The following WWOX variants were observed in gnomAD, a reference collection of about 807,000 sequenced individuals.
WWOX encodes the protein WW domain-containing oxidoreductase.
A neutral mutation model predicts 46.2 loss-of-function variants in WWOX; 69 were observed. The ratio of observed to expected loss-of-function variants is 1.49; its 90% CI spans 1.23 to 1.82. WWOX has a LOEUF of 1.82. Ranked by LOEUF, WWOX falls within the 40% of genes most tolerant of loss-of-function variation. The pLI, the probability that WWOX is intolerant of heterozygous loss-of-function variation, is 0.00. For missense variants in WWOX, 919 were observed against 542.6 expected, an observed-to-expected ratio of 1.69 and a Z score of -6.89; for synonymous variants, 359 against 202.6, an observed-to-expected ratio of 1.77 and a Z score of -6.56.
chr16:79,086,043 A>C (rs1348748304), intron 8 of WWOX, among the ~76,000 whole-genome samples: 1 of 149,996 alleles, frequency 6.7e-6, no homozygotes, highest in African/African-American at 2.5e-5. Context: ...CTGCACTTCA[A>C]CGTGGGCAAC....
At chr16:78,744,403 G>A (rs1047519796) in intron 8 of WWOX, among the ~76,000 whole-genome samples, 4 of 149,224 alleles carry the variant, frequency 2.7e-5, no homozygotes, top group Non-Finnish European at 5.9e-5. Context: ...AGATTAGGAA[G>A]GGCCCATGGT....
In WWOX at chr16:78,993,225, G is replaced by A. The variant is rs76174217; in HGVS notation, c.1057-218383G>A. 7.7e-3 allele frequency among the ~76,000 whole-genome samples: 1,168 copies of A among 151,072 alleles called. 8 individuals are homozygous for A. Among genetic ancestry groups the A allele is most frequent in the African/African-American group, 0.023 (941 of 41,354 alleles). On this transcript the variant is annotated intron_variant, in intron 8 of 8. Coordinates refer to ENST00000566780, the MANE Select transcript of WWOX (RefSeq NM_016373.4). Reference sequence around the variant, plus strand: ...ACAAAGGGAAATCAGTTTGTTTGCAGTAAGCCGAGGATAACGGCGCCGAAA... The same window carrying A: ...ACAAAGGGAAATCAGTTTGTTTGCAATAAGCCGAGGATAACGGCGCCGAAA...
chr16:79,023,626 C>A (rs920053326), intron 8 of WWOX, among the ~76,000 whole-genome samples: 2 of 151,958 alleles, frequency 1.3e-5, no homozygotes, highest in Non-Finnish European at 2.9e-5. Flanking sequence ...CTGGGATGAA[C>A]CTCAAACATT....
rs1255850892 is a variant in WWOX, at chr16:78,099,801, G to C, written c.23G>C (p.Gly8Ala). The C allele has an allele frequency of 6.4e-7, 1 of 1,571,410 alleles. No individual in the cohort carries two copies. Among genetic ancestry groups the C allele is most frequent in the East Asian group, 2.4e-5 (1 of 42,140 alleles). ...GCCATGGCAGCGCTGCGCTACGCGG[G>C]GCTGGACGACACGGACAGTGAGGAC... Reference protein sequence around the residue: MAALRYAGLDDTDSEDEL... With the variant: MAALRYAALDDTDSEDEL... The change falls in exon 1 of 9, where the codon GGG becomes GCG. Residue 8 changes from glycine (G) to alanine (A), a missense_variant. Transcript: ENST00000566780.
At chr16:78,910,892 T>C (rs1409111259) in intron 8 of WWOX, among the ~76,000 whole-genome samples, 1 of 152,064 alleles carries the variant, frequency 6.6e-6, no homozygotes, top group Non-Finnish European at 1.5e-5. Context: ...AGCCAAACCA[T>C]ATCAGATGCA....
chr16:78,624,347 A>C (rs1471901347), intron 8 of WWOX, among the ~76,000 whole-genome samples: 1 of 152,148 alleles, frequency 6.6e-6, no homozygotes, highest in Non-Finnish European at 1.5e-5. Context: ...CCAAACCCTA[A>C]ATAATTGTCT....
At chr16:78,443,923 T>G (rs971312759) in intron 8 of WWOX, among the ~76,000 whole-genome samples, 1 of 152,210 alleles carries the variant, frequency 6.6e-6, no homozygotes, top group African/African-American at 2.4e-5. Context: ...CCAGCGTGAT[T>G]AAACCGAGGC....
At chr16:79,024,700 G>C (rs1279045673) in intron 8 of WWOX, among the ~76,000 whole-genome samples, 1 of 152,106 alleles carries the variant, frequency 6.6e-6, no homozygotes, top group South Asian at 2.1e-4. Context: ...CTCCCAAAGT[G>C]CTGGGATTAC....
At chr16:78,408,398 C>A (rs1172127540) in intron 6 of WWOX, among the ~76,000 whole-genome samples, 1 of 152,114 alleles carries the variant, frequency 6.6e-6, no homozygotes, top group Non-Finnish European at 1.5e-5. Context: ...AACTTTACTG[C>A]CTTCAGGTAG....
Position 78,164,283 on chromosome 16 carries a change from A to G in WWOX, c.510A>G (p.Glu170=), listed in dbSNP as rs2151735576. ...RASEAVSRIL[E]EWHKAKVEAM... is the part of the protein sequence containing the mutation. Reference sequence around the variant, plus strand: ...GTGAAGCAGTGTCACGCATTTTAGAAGAATGGGTAAGTGCTTGACTGTTGT... The same window carrying G: ...GTGAAGCAGTGTCACGCATTTTAGAGGAATGGGTAAGTGCTTGACTGTTGT... Residue 170 remains glutamate, a synonymous_variant, in exon 5 of 9, where the codon GAA becomes GAG. Transcript: ENST00000566780. The G allele has an allele frequency of 6.2e-7, 1 of 1,613,960 alleles. No homozygotes were observed. Among genetic ancestry groups the G allele is most frequent in the South Asian group, 1.1e-5 (1 of 91,014 alleles).
intron 8 of WWOX, among the ~76,000 whole-genome samples, chr16:78,835,238 C>G (rs1472340682): frequency 6.6e-6 from 1 of 152,114 alleles, no homozygotes; most frequent in Non-Finnish European, 1.5e-5. Context: ...TGCCAGCATT[C>G]TAGTAAAATT....
chr16:78,605,809 GAA>G (rs2045743015), intron 8 of WWOX, among the ~76,000 whole-genome samples: 2 of 152,162 alleles, frequency 1.3e-5, no homozygotes, highest in African/African-American at 4.8e-5. Context: ...TGGTTAAATT[GAA>G]CCTTTCCCCT....
At chr16:78,251,594 C>G (rs1835323276) in intron 5 of WWOX, among the ~76,000 whole-genome samples, 1 of 152,226 alleles carries the variant, frequency 6.6e-6, no homozygotes, top group Non-Finnish European at 1.5e-5. Context: ...TTCTAGCTAA[C>G]TTCATTCTAA....
At chr16:78,374,214 T>C (rs552149927) in intron 5 of WWOX, among the ~76,000 whole-genome samples, 75 of 152,360 alleles carry the variant, frequency 4.9e-4, no homozygotes, top group African/African-American at 1.7e-3. Context: ...TGTCTTTCTC[T>C]GTTTTCCTCT....
intron 4 of WWOX, among the ~76,000 whole-genome samples, chr16:78,134,425 G>A (rs67933378): frequency 0.13 from 19,773 of 151,988 alleles, 1,510 homozygotes; most frequent in East Asian, 0.26. Flanking sequence ...GAACCGTTGA[G>A]CCCCTCTTCT....
At chr16:78,367,764 T>C (rs1166608435) in intron 5 of WWOX, among the ~76,000 whole-genome samples, 1 of 151,842 alleles carries the variant, frequency 6.6e-6, no homozygotes, top group African/African-American at 2.4e-5. Context: ...TTTTTTTTTT[T>C]CTTTTTGTTT....
intron 5 of WWOX, among the ~76,000 whole-genome samples, chr16:78,371,161 G>T (rs1034665939): frequency 6.6e-6 from 1 of 151,944 alleles, no homozygotes; most frequent in African/African-American, 2.4e-5. Context: ...AAGTTGATAC[G>T]CACAGTTCCT....
At chr16:79,180,463 G>C (rs911228654) in intron 8 of WWOX, among the ~76,000 whole-genome samples, 3 of 152,244 alleles carry the variant, frequency 2.0e-5, no homozygotes, top group African/African-American at 7.2e-5. Context: ...GGGTGGTGAT[G>C]GTGCTGCCTC....
chr16:78,206,255 AAAT>A (rs770062510), intron 5 of WWOX, among the ~76,000 whole-genome samples: 1 of 152,190 alleles, frequency 6.6e-6, no homozygotes, highest in Non-Finnish European at 1.5e-5. Context: ...GAATGAAAAT[AAAT>A]AATTTTGGAA....
Sources: gnomAD v4.1 joint callset for allele counts (sites outside exome capture counted in the v4.1 genomes callset) on GRCh38, gnomAD v4.1.1 for gene constraint, MANE v1.5 for transcripts, NCBI Gene and HGNC (gene_info 2026-07-23, HGNC 2026-07-21) for gene names.